Variants in PCDHA9 observed in about 807,000 individuals in gnomAD.
PCDHA9 encodes the protein protocadherin alpha-9.
A neutral mutation model predicts 62.0 loss-of-function variants in PCDHA9; 62 were observed. That is an observed-to-expected ratio of 1.00 (90% confidence interval 0.81 to 1.23). The LOEUF is 1.23. PCDHA9 is among the 50% of genes most tolerant of loss of function. The pLI is 0.00. For synonymous variants in PCDHA9, 557 were observed against 567.6 expected (o/e 0.98, Z 0.27); for missense variants, 1,205 against 1,249.8 (o/e 0.96, Z 0.54).
In PCDHA9 at chr5:141,011,865, G is replaced by A. The variant is rs372303007; in HGVS notation, c.*1928G>A. Reference sequence around the variant, plus strand: ...TAAGACATTTTAATTTTGTTATAATGTACAATTTAGAAGTTTGATTAATTA... The same window carrying A: ...TAAGACATTTTAATTTTGTTATAATATACAATTTAGAAGTTTGATTAATTA... On this transcript the variant is annotated 3_prime_UTR_variant, in exon 4 of 4. Coordinates refer to ENST00000532602, the MANE Select transcript of PCDHA9 (RefSeq NM_031857.2). 40 of 153,574 alleles carry A rather than the reference G, an allele frequency of 2.6e-4. No individual in the cohort carries two copies. The highest frequency in any genetic ancestry group is 3.4e-3 in the Middle Eastern group (1 of 294). 9.5% of individuals were successfully genotyped at this position (153,574 alleles called of 1,614,324 possible).
intron 1 of PCDHA9, chr5:140,866,209 TGGA>T (rs371374348): frequency 2.8e-4 from 43 of 152,294 alleles, no homozygotes; most frequent in African/African-American, 7.9e-4. Context: ...AATATCCTTG[TGGA>T]ACACCTAAAC....
rs2150417290 is a variant in PCDHA9 at position 140,848,687 on chromosome 5, C to G, written c.192C>G (p.Phe64Leu). 1.9e-3 allele frequency: 2,953 copies of G among 1,592,340 alleles called. 211 individuals are homozygous for G. The African/African-American group carries it at 0.035, about 19-fold the overall frequency. Reference protein sequence around the residue: ...LELAELVPRLFQLDSKGRGDL... With the variant: ...LELAELVPRLLQLDSKGRGDL... The stretch of plus-strand genomic sequence containing the variant: ...TGGCGGAGCTGGTGCCGCGCCTGTT[C>G]CAGTTGGATTCCAAAGGCCGCGGGG... Residue 64 changes from phenylalanine (F) to leucine (L), a missense_variant, in exon 1 of 4, where the codon TTC becomes TTG. By Grantham distance (22) the Phe-to-Leu change is conservative. This residue lies in a region of PCDHA9 where 208 missense variants were observed against 213.2 expected (regional missense o/e 0.98). Transcript: ENST00000532602.
chr5:140,871,046 T>C, intron 1 of PCDHA9: 1 of 1,613,310 alleles, frequency 6.2e-7, no homozygotes, highest in Non-Finnish European at 8.5e-7. Context: ...CGACTTCTAG[T>C]ACTGGTGAAG....
chr5:140,850,934 T>G (rs2150502964), intron 1 of PCDHA9, 45 bp downstream of exon 1: 2 of 1,514,156 alleles, frequency 1.3e-6, no homozygotes, highest in African/African-American at 1.4e-5. Flanking sequence ...TTTTTTTTCT[T>G]GAAAGATATT....
chr5:140,985,268 A>G (rs1399255449), intron 3 of PCDHA9, among the ~76,000 whole-genome samples: 6 of 152,098 alleles, frequency 3.9e-5, no homozygotes, highest in African/African-American at 1.2e-4. Context: ...TTTCTGGACT[A>G]CTTTTCTGCA....
Position 140,929,272 on chromosome 5 carries a change from T to G in PCDHA9, c.2395-49677T>G, listed in dbSNP as rs560527071. Reference sequence around the variant, plus strand: ...TGGGGTAGGACTGAATTTGCCAATATCCTGTATTCAGATTCGGAATAGGAA... The same window carrying G: ...TGGGGTAGGACTGAATTTGCCAATAGCCTGTATTCAGATTCGGAATAGGAA... On this transcript the variant is annotated intron_variant, in intron 1 of 3. Transcript: ENST00000532602. The G allele has an allele frequency of 1.3e-4, 206 of 1,607,152 alleles. 1 individual carries two copies. The South Asian group carries it at 2.1e-3, about 17-fold the overall frequency.
chr5:140,863,782 C>T (rs570936581), intron 1 of PCDHA9: 24 of 228,258 alleles, frequency 1.1e-4, no homozygotes, highest in Non-Finnish European at 1.2e-4. Flanking sequence ...GCGGATCACT[C>T]GAGGCCAGGA....
intron 1 of PCDHA9, among the ~76,000 whole-genome samples, chr5:140,915,767 C>T (rs1554197085): frequency 6.6e-6 from 1 of 151,976 alleles, no homozygotes; most frequent in Non-Finnish European, 1.5e-5. Context: ...TGGGTCTTGT[C>T]CAAGGCCTGC....
At chr5:140,902,313 C>T (rs2069368502) in intron 1 of PCDHA9, among the ~76,000 whole-genome samples, 1 of 150,820 alleles carries the variant, frequency 6.6e-6, no homozygotes, top group African/African-American at 2.4e-5. Context: ...GCTGGGATTA[C>T]AGGTGTAACT....
chr5:140,968,962 C>T (rs1554231271), intron 1 of PCDHA9: 29 of 1,614,056 alleles, frequency 1.8e-5, no homozygotes, highest in Non-Finnish European at 2.2e-5. Context: ...TCAAGTGCTA[C>T]CGCTACACTG....
chr5:140,951,507 C>T (rs2094591964), intron 1 of PCDHA9, among the ~76,000 whole-genome samples: 1 of 151,952 alleles, frequency 6.6e-6, no homozygotes, highest in Admixed American at 6.6e-5. Context: ...AAAAGGAAAG[C>T]GGCTCATCTT....
intron 1 of PCDHA9, chr5:140,967,277 A>G: frequency 6.2e-7 from 1 of 1,613,326 alleles, no homozygotes; most frequent in African/African-American, 1.3e-5. Context: ...TCACATAGAG[A>G]GTGCGCAGGA....
chr5:141,009,791 CCTA>C lies in PCDHA9; in HGVS notation c.2711_2713del (p.Thr904del), dbSNP rs2098414479. 1.2e-6 allele frequency: 2 copies of C among 1,613,966 alleles called. No homozygotes were observed. Among genetic ancestry groups the C allele is most frequent in the African/African-American group, 2.7e-5 (2 of 74,882 alleles). On this transcript the variant is annotated inframe_deletion, in exon 4 of 4. Coordinates refer to ENST00000532602, the MANE Select transcript of PCDHA9 (RefSeq NM_031857.2). ...TGCAATCATCTCCATCCGGCAGGAGCCTACTAACAGCCAAATTGACAAAAGTGA... is the reference window on the plus strand; with the variant it reads ...TGCAATCATCTCCATCCGGCAGGAGCCTAACAGCCAAATTGACAAAAGTGA...
chr5:140,886,910 T>C (rs1373910489), intron 1 of PCDHA9, among the ~76,000 whole-genome samples: 1 of 152,100 alleles, frequency 6.6e-6, no homozygotes, highest in African/African-American at 2.4e-5. Context: ...TAAATACTTA[T>C]TGAGTGTTCT....
chr5:140,942,518 G>A (rs2093312014), intron 1 of PCDHA9, among the ~76,000 whole-genome samples: 1 of 151,908 alleles, frequency 6.6e-6, no homozygotes, highest in Non-Finnish European at 1.5e-5. Flanking sequence ...ACTCAGAGGG[G>A]AAGCAACTAA....
chr5:140,896,536 CTT>C (rs34213614), intron 1 of PCDHA9, among the ~76,000 whole-genome samples: 1 of 145,640 alleles, frequency 6.9e-6, no homozygotes. Flanking sequence ...AGCTATTTTT[CTT>C]TTTTTTTTTT....
intron 1 of PCDHA9, among the ~76,000 whole-genome samples, chr5:140,950,482 T>C (rs1384931498): frequency 6.6e-6 from 1 of 152,106 alleles, no homozygotes; most frequent in African/African-American, 2.4e-5. Flanking sequence ...TGATGAGAAG[T>C]GTGTAGTCAT....
At chr5:141,000,410 TA>T (rs2097918693) in intron 3 of PCDHA9, among the ~76,000 whole-genome samples, 2 of 101,940 alleles carry the variant, frequency 2.0e-5, no homozygotes, top group African/African-American at 7.8e-5. Flanking sequence ...TATATATATA[TA>T]TATATATATA....
chr5:140,897,435 A>G (rs1382805623), intron 1 of PCDHA9, among the ~76,000 whole-genome samples: 1 of 147,702 alleles, frequency 6.8e-6, no homozygotes, highest in Non-Finnish European at 1.5e-5. Flanking sequence ...GAGAACATGC[A>G]GTGTTTGGTT....
Sources: gnomAD v4.1 joint callset for allele counts (sites outside exome capture counted in the v4.1 genomes callset) on GRCh38, gnomAD v4.1.1 for gene constraint, gnomAD v4.1.1 regional missense constraint, MANE v1.5 for transcripts, NCBI Gene and HGNC (gene_info 2026-07-23, HGNC 2026-07-21) for gene names.